The following ABTB2 variants were observed in gnomAD, a reference collection of about 807,000 sequenced individuals.
ABTB2 encodes ankyrin repeat and BTB domain containing 2.
In ABTB2, 56 loss-of-function variants were observed where a neutral mutation model predicts 104.1. The ratio of observed to expected loss-of-function variants is 0.54; its 90% confidence interval spans 0.43 to 0.67. ABTB2 has a LOEUF of 0.67. Ranked by LOEUF, ABTB2 falls within the 30% of genes least tolerant of loss-of-function variation. The probability of loss-of-function intolerance (pLI) is 0.00; values close to 1 mark genes in which losing one functional copy is unlikely to be tolerated. For missense variants in ABTB2, 1,279 were observed against 1,407.7 expected (o/e 0.91, Z 1.46); for synonymous variants, 606 against 608.2 (o/e 1.00, Z 0.05).
chr11:34,342,871 C>T (rs1014547268), intron 1 of ABTB2, among the ~76,000 whole-genome samples: 2 of 152,320 alleles, frequency 1.3e-5, no homozygotes, highest in Middle Eastern at 3.4e-3. Context: ...ACAGTATTCA[C>T]TTCATTTACC....
At chr11:34,250,165 G>A (rs7941113) in intron 1 of ABTB2, among the ~76,000 whole-genome samples, 20,831 of 152,162 alleles carry the variant, frequency 0.14, 1,899 homozygotes, top group African/African-American at 0.25. Flanking sequence ...ACAGAGGAGG[G>A]AAGGCTGGCA....
At chr11:34,304,668 G>C (rs1174859077) in intron 1 of ABTB2, among the ~76,000 whole-genome samples, 1 of 151,908 alleles carries the variant, frequency 6.6e-6, no homozygotes, top group Non-Finnish European at 1.5e-5. Context: ...AAAAGAAAGA[G>C]AAGACTAGGA....
chr11:34,226,585 T>C (rs1853689663), intron 1 of ABTB2, among the ~76,000 whole-genome samples: 1 of 152,156 alleles, frequency 6.6e-6, no homozygotes, highest in African/African-American at 2.4e-5. Context: ...TCCTCACAAC[T>C]CCAGTATAGA....
At chr11:34,161,145 C>T in intron 10 of ABTB2, 64 bp from the exon 11 acceptor site, 1 of 1,466,782 alleles carries the variant, frequency 6.8e-7, no homozygotes, top group Non-Finnish European at 9.1e-7. Context: ...GCACAGACCA[C>T]AGCCTTTTCT....
chr11:34,218,299 G>A (rs1384391071), intron 1 of ABTB2, among the ~76,000 whole-genome samples: 3 of 152,130 alleles, frequency 2.0e-5, no homozygotes, highest in African/African-American at 7.2e-5. Flanking sequence ...TTTTGATAAA[G>A]TGCAGCTGAT....
At chr11:34,168,091 G>T in intron 5 of ABTB2, 99 bp from the exon 6 acceptor site, 1 of 1,195,274 alleles carries the variant, frequency 8.4e-7, no homozygotes, top group Non-Finnish European at 1.2e-6. Context: ...CGGGCACCCC[G>T]CCACCCCAGC....
chr11:34,240,342 C>T (rs1226499214), intron 1 of ABTB2, among the ~76,000 whole-genome samples: 1 of 152,184 alleles, frequency 6.6e-6, no homozygotes, highest in Non-Finnish European at 1.5e-5. Context: ...GGCTGCAATT[C>T]CAGGGAGTCT....
intron 1 of ABTB2, among the ~76,000 whole-genome samples, chr11:34,259,992 A>G (rs1474030092): frequency 6.6e-6 from 1 of 152,032 alleles, no homozygotes; most frequent in African/African-American, 2.4e-5. Context: ...TATTTTTTCT[A>G]GAGGTGGGGT....
At chr11:34,206,247 A>G (rs1853406343) in intron 1 of ABTB2, among the ~76,000 whole-genome samples, 2 of 152,164 alleles carry the variant, frequency 1.3e-5, no homozygotes, top group Middle Eastern at 3.4e-3. Flanking sequence ...TCATTTTAAT[A>G]CAAAATTAAC....
At position 34,167,944 on chromosome 11, in the gene ABTB2, C is replaced by G; in HGVS notation, c.1612G>C (p.Val538Leu). Reference sequence around the variant, plus strand: ...GCCCCAGCATCAATCAACATCTGGACCATCGCTTCGTCCCCAGCAGCGCAG... The same window carrying G: ...GCCCCAGCATCAATCAACATCTGGAGCATCGCTTCGTCCCCAGCAGCGCAG... ...YACAAGDEAM[V>L]QMLIDAGANL... is the part of the protein sequence containing the mutation. The change falls in exon 6 of 17, where the codon GTC (valine) becomes CTC (leucine). Residue 538 changes from valine (V) to leucine (L), a missense_variant. Val to Leu is a conservative substitution (Grantham distance 32, BLOSUM62 1). Transcript: ENST00000435224. 6.2e-7 allele frequency: 1 copy of G among 1,614,266 alleles called. No individual in the cohort carries two copies. Among genetic ancestry groups the G allele is most frequent in the Admixed American group, 1.7e-5 (1 of 60,034 alleles).
intron 1 of ABTB2, among the ~76,000 whole-genome samples, chr11:34,285,994 G>C (rs893536047): frequency 2.0e-5 from 3 of 151,998 alleles, no homozygotes; most frequent in African/African-American, 7.3e-5. Context: ...TACTATAGTT[G>C]GGGAAAACAA....
At chr11:34,335,358 C>T in intron 1 of ABTB2, 2 of 898,444 alleles carry the variant, frequency 2.2e-6, no homozygotes, top group South Asian at 2.6e-5. Context: ...TCCCTCAGCA[C>T]AAAGAGTACA....
intron 1 of ABTB2, among the ~76,000 whole-genome samples, chr11:34,336,458 T>C (rs1590261328): frequency 6.6e-6 from 1 of 152,150 alleles, no homozygotes; most frequent in East Asian, 1.9e-4. Context: ...CTGGCCAACA[T>C]AGTGAGATCT....
At chr11:34,299,727 T>C (rs1854676318) in intron 1 of ABTB2, among the ~76,000 whole-genome samples, 1 of 152,218 alleles carries the variant, frequency 6.6e-6, no homozygotes, top group Non-Finnish European at 1.5e-5. Flanking sequence ...GCCAAGGCAT[T>C]TGGAGTTTGC....
At chr11:34,255,497 CTTT>C (rs879472977) in intron 1 of ABTB2, among the ~76,000 whole-genome samples, 1 of 146,368 alleles carries the variant, frequency 6.8e-6, no homozygotes, top group East Asian at 2.0e-4. Context: ...TTAAAAACTT[CTTT>C]TTTTTTTTTT....
At chr11:34,280,880 C>T (rs1854441400) in intron 1 of ABTB2, among the ~76,000 whole-genome samples, 1 of 152,164 alleles carries the variant, frequency 6.6e-6, no homozygotes, top group African/African-American at 2.4e-5. Context: ...TGGGTGCTTT[C>T]CTCACACCAT....
intron 1 of ABTB2, among the ~76,000 whole-genome samples, chr11:34,334,066 C>T (rs1001679872): frequency 4.7e-5 from 7 of 149,750 alleles, no homozygotes; most frequent in Admixed American, 2.0e-4. Context: ...TGAGTGGTGA[C>T]GATGGAAACA....
chr11:34,193,424 C>A (rs1853207708), intron 3 of ABTB2, among the ~76,000 whole-genome samples: 1 of 152,222 alleles, frequency 6.6e-6, no homozygotes. Context: ...CCAGGGCCCA[C>A]CCAGCATGCC....
At chr11:34,184,585 A>G (rs1176694641) in intron 3 of ABTB2, among the ~76,000 whole-genome samples, 1 of 152,244 alleles carries the variant, frequency 6.6e-6, no homozygotes. Flanking sequence ...GCTTTCCCAC[A>G]CGGCAGGGAG....
Sources: gnomAD v4.1 joint callset for allele counts (sites outside exome capture counted in the v4.1 genomes callset) on GRCh38, gnomAD v4.1.1 for gene constraint, MANE v1.5 for transcripts, NCBI Gene and HGNC (gene_info 2026-07-23, HGNC 2026-07-21) for gene names.